KCNT2: variants seen among roughly 807,000 people sequenced by gnomAD.
KCNT2 encodes the protein potassium channel subfamily T member 2.
Under a neutral mutation model 153.8 loss-of-function variants are expected in KCNT2, and 67 were observed. The ratio of observed to expected loss-of-function variants is 0.44; its 90% CI spans 0.36 to 0.53. KCNT2 has a LOEUF of 0.53. Among genes scored for constraint, KCNT2 ranks in the 20% least tolerant of loss-of-function variants. KCNT2 has a pLI of 0.00. For missense variants in KCNT2, 975 were observed against 1,354.8 expected (o/e 0.72, Z 4.40); for synonymous variants, 500 against 458.8 (o/e 1.09, Z -1.15).
At chr1:196,554,584 T>C (rs1293041267) in intron 1 of KCNT2, among the ~76,000 whole-genome samples, 1 of 151,238 alleles carries the variant, frequency 6.6e-6, no homozygotes, top group Non-Finnish European at 1.5e-5. Flanking sequence ...ATACCAATCC[T>C]ACTCAAACTG....
intron 1 of KCNT2, among the ~76,000 whole-genome samples, chr1:196,513,196 A>C (rs1036455948): frequency 6.6e-6 from 1 of 152,220 alleles, no homozygotes; most frequent in Non-Finnish European, 1.5e-5. Flanking sequence ...CACTGACGAG[A>C]TACTTAGAAG....
At position 196,517,628 on chromosome 1, in the gene KCNT2, G is replaced by T. The variant is rs150930465; in HGVS notation, c.96-25287C>A. On this transcript the variant is annotated intron_variant, in intron 1 of 27. Transcript: ENST00000294725. ...ACTACAAGAAATTCACAATGCAATC[G>T]CAAGTATTAACAGCAGAGTAGAACA... 3.8e-4 allele frequency among the ~76,000 whole-genome samples: 58 copies of T among 152,230 alleles called. 1 individual carries two copies. The East Asian group carries it at 9.7e-3, about 25-fold the overall frequency.
intron 13 of KCNT2, among the ~76,000 whole-genome samples, chr1:196,376,186 T>A (rs1185768541): frequency 6.6e-6 from 1 of 151,868 alleles, no homozygotes; most frequent in Non-Finnish European, 1.5e-5. Context: ...CTCTCTTTCT[T>A]TTTTTCCCAT....
At chr1:196,312,655 T>C (rs1008373945) in intron 21 of KCNT2, among the ~76,000 whole-genome samples, 4 of 151,798 alleles carry the variant, frequency 2.6e-5, no homozygotes, top group African/African-American at 9.7e-5. Flanking sequence ...ACATTACTTC[T>C]GTTATCTGTA....
At chr1:196,566,551 T>A (rs1470587932) in intron 1 of KCNT2, among the ~76,000 whole-genome samples, 3 of 152,122 alleles carry the variant, frequency 2.0e-5, no homozygotes, top group African/African-American at 7.2e-5. Flanking sequence ...TCTCCATACG[T>A]CAGGTGTGAA....
At chr1:196,466,383 A>G (rs1468718044) in intron 7 of KCNT2, among the ~76,000 whole-genome samples, 2 of 152,040 alleles carry the variant, frequency 1.3e-5, no homozygotes, top group Non-Finnish European at 2.9e-5. Context: ...ATGTATTTTC[A>G]TAAGACTCCA....
chr1:196,306,125 C>T (rs970659857), intron 21 of KCNT2, among the ~76,000 whole-genome samples: 1 of 151,914 alleles, frequency 6.6e-6, no homozygotes, highest in African/African-American at 2.4e-5. Context: ...ATCTATGCAT[C>T]CCTGGTAGCT....
chr1:196,372,380 A>G (rs1668613125), intron 14 of KCNT2, among the ~76,000 whole-genome samples: 1 of 151,978 alleles, frequency 6.6e-6, no homozygotes, highest in African/African-American at 2.4e-5. Flanking sequence ...AACCACTAGC[A>G]TAAGTGGAAT....
At chr1:196,303,609 A>G (rs1297743991) in intron 22 of KCNT2, among the ~76,000 whole-genome samples, 2 of 152,196 alleles carry the variant, frequency 1.3e-5, no homozygotes, top group African/African-American at 4.8e-5. Context: ...TTATTTGAGT[A>G]CTAATTATAT....
chr1:196,575,784 C>G (rs994054090), intron 1 of KCNT2, among the ~76,000 whole-genome samples: 2 of 151,592 alleles, frequency 1.3e-5, no homozygotes, highest in Non-Finnish European at 2.9e-5. Context: ...TCCAGACCAG[C>G]CTGGCCAACA....
At chr1:196,572,330 G>C (rs1558092323) in intron 1 of KCNT2, among the ~76,000 whole-genome samples, 1 of 152,076 alleles carries the variant, frequency 6.6e-6, no homozygotes, top group Non-Finnish European at 1.5e-5. Flanking sequence ...TTGGGTAGTA[G>C]TAGATGTTGG....
chr1:196,402,102 T>TTAAAATAAAGAAATGTACTTTCCTTATTC (rs1222068843), intron 12 of KCNT2, among the ~76,000 whole-genome samples: 37 of 151,524 alleles, frequency 2.4e-4, no homozygotes, highest in Non-Finnish European at 4.7e-4. Flanking sequence ...AAAGGACTTT[T>TTAAAATAAAGAAATGTACTTTCCTTATTC]TAAAATAAAG....
chr1:196,422,431 G>A (rs1673294446), intron 12 of KCNT2, among the ~76,000 whole-genome samples: 1 of 151,316 alleles, frequency 6.6e-6, no homozygotes, highest in African/African-American at 2.4e-5. Flanking sequence ...AAATAATGAA[G>A]CACTTAAAAA....
chr1:196,315,853 A>C, intron 21 of KCNT2, 39 bp downstream of exon 21: 2 of 1,562,966 alleles, frequency 1.3e-6, no homozygotes, highest in Non-Finnish European at 8.7e-7. Flanking sequence ...AATGTTTAGC[A>C]CAAAGTAAGT....
chr1:196,525,352 CT>C (rs1005040736), intron 1 of KCNT2, among the ~76,000 whole-genome samples: 15 of 152,056 alleles, frequency 9.9e-5, no homozygotes, highest in Admixed American at 7.2e-4. Flanking sequence ...AACAGTGACA[CT>C]TTTTTTTGTA....
At chr1:196,426,817 G>A (rs529319204) in intron 10 of KCNT2, among the ~76,000 whole-genome samples, 10 of 151,758 alleles carry the variant, frequency 6.6e-5, no homozygotes, top group African/African-American at 1.5e-4. Context: ...ACTGAATCAC[G>A]GTGGCAGATT....
rs181534722 is a variant in KCNT2 at position 196,341,807 on chromosome 1, T to C, written c.1553+272A>G. 2.2e-4 allele frequency among the ~76,000 whole-genome samples: 34 copies of C among 152,224 alleles called. No individual in the cohort carries two copies. In the East Asian group the frequency reaches 2.7e-3, roughly 12 times the overall value. On this transcript the variant is annotated intron_variant, in intron 15 of 27. Transcript: ENST00000294725. Reference sequence around the variant, plus strand: ...GATCTGTGAAGAAGATTTTCATATGTATGTAAATTCTTAATGGATTAAAAT... The same window carrying C: ...GATCTGTGAAGAAGATTTTCATATGCATGTAAATTCTTAATGGATTAAAAT...
At chr1:196,300,881 C>G (rs1260498073) in intron 22 of KCNT2, among the ~76,000 whole-genome samples, 2 of 152,090 alleles carry the variant, frequency 1.3e-5, no homozygotes, top group Admixed American at 1.3e-4. Context: ...AATATAGTGC[C>G]TTGACATGCT....
In KCNT2 at chr1:196,469,000, A is replaced by T. The variant is rs753289786; in HGVS notation, c.453T>A (p.Ile151=). 1.3e-6 allele frequency: 2 copies of T among 1,591,572 alleles called. No homozygotes were observed. Among genetic ancestry groups the T allele is most frequent in the Admixed American group, 3.4e-5 (2 of 59,216 alleles). The part of the protein sequence containing the change: ...ILEIINAVPF[I]ISIFWPSLRN... ...AGGTTCTTTTAGGACTTACTGAGAT[A>T]ATGAAGGGAACTGCATTAATTATTT... Residue 151 remains isoleucine, a synonymous_variant, in exon 6 of 28, where the codon ATT becomes ATA. Transcript: ENST00000294725.
Sources: gnomAD v4.1 joint callset for allele counts (sites outside exome capture counted in the v4.1 genomes callset) on GRCh38, gnomAD v4.1.1 for gene constraint, MANE v1.5 for transcripts, NCBI Gene and HGNC (gene_info 2026-07-23, HGNC 2026-07-21) for gene names.